NKAIN2: variants seen among roughly 807,000 people sequenced by gnomAD.
NKAIN2 encodes sodium/potassium transporting ATPase interacting 2.
Under a neutral mutation model 32.6 loss-of-function variants are expected in NKAIN2, and 14 were observed. The observed-to-expected ratio is 0.43, with a 90% CI of 0.28 to 0.67. NKAIN2 has a LOEUF of 0.67. NKAIN2 is among the 30% of genes least tolerant of loss of function. The pLI, the probability that NKAIN2 is intolerant of heterozygous loss-of-function variation, is 0.17. For missense variants in NKAIN2, 198 were observed against 258.3 expected (o/e 0.77, Z 1.60); for synonymous variants, 80 against 87.2 (o/e 0.92, Z 0.46).
At chr6:124,082,189 A>C (rs1199847260) in intron 1 of NKAIN2, among the ~76,000 whole-genome samples, 2 of 152,052 alleles carry the variant, frequency 1.3e-5, no homozygotes, top group Non-Finnish European at 2.9e-5. Context: ...TGGACTATAA[A>C]TTATTGGCAA....
Position 123,972,126 on chromosome 6 carries a change from T to C in NKAIN2, c.54+167872T>C, listed in dbSNP as rs117603355. 3.3e-5 allele frequency among the ~76,000 whole-genome samples: 5 copies of C among 152,354 alleles called. No individual in the cohort carries two copies. The East Asian group carries it at 7.7e-4, about 24-fold the overall frequency. Reference sequence around the variant, plus strand: ...ATGCTTCTCTTAACATTGTTTTCTCTAGCTTACTTTATGGTGAGAATACAG... The same window carrying C: ...ATGCTTCTCTTAACATTGTTTTCTCCAGCTTACTTTATGGTGAGAATACAG... On this transcript the variant is annotated intron_variant, in intron 1 of 6. Coordinates refer to ENST00000368417, the MANE Select transcript of NKAIN2 (RefSeq NM_001040214.3).
intron 1 of NKAIN2, among the ~76,000 whole-genome samples, chr6:123,955,639 T>TA (rs1777542536): frequency 2.0e-5 from 3 of 151,746 alleles, no homozygotes; most frequent in Admixed American, 6.6e-5. Context: ...TATTTTATTT[T>TA]TTGAGACAGG....
intron 1 of NKAIN2, among the ~76,000 whole-genome samples, chr6:123,893,495 C>A (rs148806991): frequency 0.012 from 1,895 of 152,286 alleles, 44 homozygotes; most frequent in African/African-American, 0.043. Context: ...TCTTGAGCCA[C>A]TACTCCTAGC....
chr6:124,288,189 G>C (rs1795648691), intron 2 of NKAIN2, among the ~76,000 whole-genome samples: 1 of 151,952 alleles, frequency 6.6e-6, no homozygotes, highest in Non-Finnish European at 1.5e-5. Flanking sequence ...ACATTAACTT[G>C]ACACAACTTT....
At chr6:124,435,598 C>T (rs1174030990) in intron 3 of NKAIN2, among the ~76,000 whole-genome samples, 1 of 152,120 alleles carries the variant, frequency 6.6e-6, no homozygotes, top group African/African-American at 2.4e-5. Context: ...TAGTAAGTGA[C>T]TGAGCCAGGA....
intron 3 of NKAIN2, among the ~76,000 whole-genome samples, chr6:124,386,886 A>G (rs1310048945): frequency 2.0e-5 from 3 of 152,146 alleles, no homozygotes; most frequent in East Asian, 1.9e-4. Flanking sequence ...TAACACATCA[A>G]TGATTTTACA....
At chr6:123,932,489 T>C (rs889266619) in intron 1 of NKAIN2, among the ~76,000 whole-genome samples, 18 of 143,498 alleles carry the variant, frequency 1.3e-4, no homozygotes, top group Admixed American at 1.4e-4. Flanking sequence ...CAATCTTGGC[T>C]CACTGCAAGC....
chr6:124,127,414 C>T (rs1379028216), intron 1 of NKAIN2, among the ~76,000 whole-genome samples: 3 of 152,042 alleles, frequency 2.0e-5, no homozygotes, highest in African/African-American at 4.8e-5. Flanking sequence ...GACTTTGAGG[C>T]CTAATATTAG....
In NKAIN2 at chr6:124,265,722, T is replaced by A. The variant is rs985557334; in HGVS notation, c.55-17283T>A. Among the ~76,000 whole-genome samples, 7 of 152,180 alleles carry A rather than the reference T, an allele frequency of 4.6e-5. No individual in the cohort carries two copies. The East Asian group carries it at 1.3e-3, about 29-fold the overall frequency. ...ACGCATTTACAGGGCTGTAATTACG[T>A]ATGAGGCTTTAGACTTTGCCAGGCC... is the stretch of plus-strand genomic sequence containing the variant. On this transcript the variant is annotated intron_variant, in intron 1 of 6. Transcript: ENST00000368417.
chr6:124,741,175 G>C (rs1777189457), intron 4 of NKAIN2, among the ~76,000 whole-genome samples: 2 of 151,472 alleles, frequency 1.3e-5, no homozygotes, highest in Non-Finnish European at 3.0e-5. Flanking sequence ...CAGTGATTCT[G>C]TGTTGAACAT....
At chr6:124,135,715 A>C (rs1786744903) in intron 1 of NKAIN2, among the ~76,000 whole-genome samples, 1 of 151,980 alleles carries the variant, frequency 6.6e-6, no homozygotes, top group Non-Finnish European at 1.5e-5. Flanking sequence ...CCGTAAATTA[A>C]CTCCAAAAGG....
intron 3 of NKAIN2, among the ~76,000 whole-genome samples, chr6:124,446,984 A>G (rs1246221217): frequency 1.3e-5 from 2 of 152,104 alleles, no homozygotes; most frequent in Non-Finnish European, 2.9e-5. Context: ...CCCCAACAAC[A>G]ACGAATAATT....
intron 1 of NKAIN2, among the ~76,000 whole-genome samples, chr6:123,971,714 G>A (rs1340103653): frequency 6.6e-6 from 1 of 152,170 alleles, no homozygotes; most frequent in South Asian, 2.1e-4. Context: ...TTTCTTATCA[G>A]CTGTCTTCTG....
intron 1 of NKAIN2, among the ~76,000 whole-genome samples, chr6:124,156,144 A>G (rs802263): frequency 0.78 from 118,857 of 151,800 alleles, 48,059 homozygotes; most frequent in Non-Finnish European, 0.88. Context: ...GATTTTAGAC[A>G]CTTAAGGGGG....
intron 3 of NKAIN2, among the ~76,000 whole-genome samples, chr6:124,483,861 T>C (rs899635538): frequency 6.6e-6 from 1 of 152,160 alleles, no homozygotes; most frequent in Non-Finnish European, 1.5e-5. Context: ...AATACCTTTG[T>C]AATGATATAA....
At chr6:124,304,447 C>CA (rs1796426947) in intron 2 of NKAIN2, among the ~76,000 whole-genome samples, 1 of 151,730 alleles carries the variant, frequency 6.6e-6, no homozygotes, top group East Asian at 1.9e-4. Flanking sequence ...GAGGCCTAGT[C>CA]AAAAATATAA....
intron 1 of NKAIN2, among the ~76,000 whole-genome samples, chr6:124,136,437 A>G (rs994298951): frequency 6.6e-6 from 1 of 152,100 alleles, no homozygotes; most frequent in African/African-American, 2.4e-5. Flanking sequence ...CATTTAAAGA[A>G]CTGGTACCAA....
In NKAIN2 at chr6:124,079,531, A is replaced by C. The variant is rs537606799; in HGVS notation, c.55-203474A>C. Among the ~76,000 whole-genome samples, 68 of 152,278 alleles carry C rather than the reference A, an allele frequency of 4.5e-4. 1 individual carries two copies. Among genetic ancestry groups the C allele is most frequent in the African/African-American group, 1.6e-3 (66 of 41,568 alleles). ...TGTGTTTGTGTGAGTTTGAGAGAGA[A>C]ACAAGGATACATTATAACTTTAAAA... On this transcript the variant is annotated intron_variant, in intron 1 of 6. Coordinates refer to ENST00000368417, the MANE Select transcript of NKAIN2 (RefSeq NM_001040214.3).
At chr6:124,554,529 T>TA (rs1438478396) in intron 3 of NKAIN2, among the ~76,000 whole-genome samples, 2 of 152,240 alleles carry the variant, frequency 1.3e-5, no homozygotes, top group Non-Finnish European at 2.9e-5. Flanking sequence ...AAATGAGAAC[T>TA]ACTGTTTAGT....
Sources: gnomAD v4.1 joint callset for allele counts (sites outside exome capture counted in the v4.1 genomes callset) on GRCh38, gnomAD v4.1.1 for gene constraint, MANE v1.5 for transcripts, NCBI Gene and HGNC (gene_info 2026-07-23, HGNC 2026-07-21) for gene names.